Variants in INCENP observed in about 807,000 individuals in gnomAD.
INCENP encodes the protein inner centromere protein, also known as binds and activates aurora-B and -C in vivo and in vitro.
Under a neutral mutation model 107.3 loss-of-function variants are expected in INCENP, and 43 were observed. The ratio of observed to expected loss-of-function variants is 0.40; its 90% confidence interval spans 0.31 to 0.52. INCENP has a LOEUF of 0.52. INCENP is among the 20% of genes least tolerant of loss of function. The pLI, the probability that INCENP is intolerant of heterozygous loss-of-function variation, is 0.53. For synonymous variants in INCENP, 488 were observed against 494.4 expected (o/e 0.99, Z 0.17); for missense variants, 1,089 against 1,250.9 (o/e 0.87, Z 1.95).
intron 4 of INCENP, among the ~76,000 whole-genome samples, chr11:62,133,719 A>T (rs2099715112): frequency 6.6e-6 from 1 of 152,188 alleles, no homozygotes; most frequent in South Asian, 2.1e-4. Flanking sequence ...ATGACACAGC[A>T]TGGGGAGATG....
At chr11:62,126,583 C>A (rs1312908450) in intron 1 of INCENP, among the ~76,000 whole-genome samples, 2 of 152,190 alleles carry the variant, frequency 1.3e-5, no homozygotes, top group Non-Finnish European at 2.9e-5. Flanking sequence ...CTTATGACCA[C>A]CACCCATTCA....
intron 4 of INCENP, among the ~76,000 whole-genome samples, chr11:62,133,384 G>GA (rs1338512816): frequency 3.3e-5 from 5 of 152,086 alleles, no homozygotes; most frequent in African/African-American, 1.2e-4. Flanking sequence ...CCGGGGCGTG[G>GA]AACTGCTGTG....
chr11:62,132,108 T>A (rs1943906259), intron 4 of INCENP, among the ~76,000 whole-genome samples: 1 of 152,312 alleles, frequency 6.6e-6, no homozygotes, highest in African/African-American at 2.4e-5. Flanking sequence ...TCTCAACGCA[T>A]GTTAAATAGT....
chr11:62,126,374 C>G (rs1463112913), intron 1 of INCENP, among the ~76,000 whole-genome samples: 2 of 151,936 alleles, frequency 1.3e-5, no homozygotes, highest in African/African-American at 4.8e-5. Context: ...TTTTTTGTAT[C>G]TTTAGTAGAG....
At chr11:62,130,934 G>A (rs1590607714) in intron 4 of INCENP, among the ~76,000 whole-genome samples, 1 of 152,198 alleles carries the variant, frequency 6.6e-6, no homozygotes. Context: ...CTTCGGGAAG[G>A]TCGGCCACTG....
Position 62,128,286 on chromosome 11 carries a change from A to G in INCENP, c.125A>G (p.Glu42Gly). The change falls in exon 2 of 19, where the codon GAG becomes GGG. Residue 42 changes from glutamate (E) to glycine (G), a missense_variant. By Grantham distance (98) the Glu-to-Gly change is moderately conservative. Coordinates refer to ENST00000394818, the MANE Select transcript of INCENP (RefSeq NM_001040694.2). ...VWLEEIQEEA[E>G]RMFTREFSKE... ...CTTGAGGAAATCCAAGAGGAGGCCG[A>G]GCGCATGTTCACCAGGTGAAGACGG... 1 of 1,614,078 alleles carries G rather than the reference A, an allele frequency of 6.2e-7. No individual in the cohort carries two copies. The highest frequency in any genetic ancestry group is 8.5e-7 in the Non-Finnish European group (1 of 1,180,000).
chr11:62,146,448 A>ACAG (rs1441720647), intron 14 of INCENP, among the ~76,000 whole-genome samples: 1 of 152,196 alleles, frequency 6.6e-6, no homozygotes, highest in Non-Finnish European at 1.5e-5. Context: ...TGCTAAATCT[A>ACAG]CAGCAGCAGC....
At chr11:62,145,879 AAGG>A in intron 14 of INCENP, 128 bp downstream of exon 14, 5 of 1,244,514 alleles carry the variant, frequency 4.0e-6, no homozygotes, top group Non-Finnish European at 3.3e-6. Flanking sequence ...TCATGCTAAG[AAGG>A]AGGTTTCCCA....
chr11:62,147,890 C>G (rs1944287509), intron 15 of INCENP, among the ~76,000 whole-genome samples: 3 of 152,160 alleles, frequency 2.0e-5, no homozygotes, highest in Admixed American at 1.3e-4. Context: ...ATAGTGTCGG[C>G]AGCTTTGGTG....
chr11:62,135,629 T>C (rs1454236984), intron 4 of INCENP, among the ~76,000 whole-genome samples: 1 of 152,082 alleles, frequency 6.6e-6, no homozygotes, highest in Non-Finnish European at 1.5e-5. Context: ...ATTTCGAAAA[T>C]ATTGTTTCAC....
At position 62,150,191 on chromosome 11, in the gene INCENP, C is replaced by T. The variant is rs1287295197; in HGVS notation, c.2526C>T (p.Ile842=). ...TDDEAHPRKP[I]PTWARGTPLS... is the part of the protein sequence containing the mutation. Reference sequence around the variant, plus strand: ...ATGAGGCCCATCCCCGGAAGCCCATCCCCACCTGGGCCCGAGGTAAGCAAA... The same window carrying T: ...ATGAGGCCCATCCCCGGAAGCCCATTCCCACCTGGGCCCGAGGTAAGCAAA... The change falls in exon 18 of 19, where the codon ATC becomes ATT. Residue 842 remains isoleucine, a synonymous_variant. Transcript: ENST00000394818. 6.2e-7 allele frequency: 1 copy of T among 1,614,054 alleles called. No individual in the cohort carries two copies. The highest frequency in any genetic ancestry group is 2.2e-5 in the East Asian group (1 of 44,866).
intron 16 of INCENP, 59 bp from the exon 17 acceptor site, chr11:62,148,675 AAGGGG>A: frequency 2.1e-6 from 3 of 1,418,084 alleles, no homozygotes; most frequent in Non-Finnish European, 2.9e-6. Context: ...GAGCGGAGGG[AAGGGG>A]AGGGGAGGGA....
chr11:62,128,335 C>T (rs1414738635), intron 2 of INCENP, 34 bp downstream of exon 2: 15 of 1,613,058 alleles, frequency 9.3e-6, no homozygotes, highest in Non-Finnish European at 1.3e-5. Context: ...CTGGGAACAC[C>T]AGGGCCTGTC....
At chr11:62,133,451 C>T (rs557147630) in intron 4 of INCENP, among the ~76,000 whole-genome samples, 6 of 152,274 alleles carry the variant, frequency 3.9e-5, no homozygotes, top group South Asian at 4.2e-4. Flanking sequence ...CGGGGCCCAT[C>T]GGGCAGCAGT....
chr11:62,137,791 GTC>G (rs1362628560), intron 4 of INCENP, 39 bp from the exon 5 acceptor site: 8 of 1,599,076 alleles, frequency 5.0e-6, no homozygotes, highest in Non-Finnish European at 6.9e-6. Flanking sequence ...GACCTGTGTG[GTC>G]TCTGATGAGA....
chr11:62,136,393 A>G (rs1943994417), intron 4 of INCENP, among the ~76,000 whole-genome samples: 1 of 152,158 alleles, frequency 6.6e-6, no homozygotes, highest in Non-Finnish European at 1.5e-5. Flanking sequence ...TAGTAAAATT[A>G]GGACTTTTGC....
chr11:62,142,312 G>A (rs1247270474), intron 11 of INCENP, among the ~76,000 whole-genome samples: 5 of 152,216 alleles, frequency 3.3e-5, no homozygotes, highest in African/African-American at 4.8e-5. Context: ...CTGGCCAGGT[G>A]GGCCCTGAGC....
chr11:62,130,403 G>A lies in INCENP; in HGVS notation c.876G>A (p.Thr292=), dbSNP rs1300680526. The change falls in exon 4 of 19, where the codon ACG becomes ACA. Residue 292 remains threonine, a synonymous_variant. Coordinates refer to ENST00000394818, the MANE Select transcript of INCENP (RefSeq NM_001040694.2). ...CCATCCTGCCGGATAACTTCTCCAC[G>A]CCCACGGGCTCTCGCACGGACTCTC... ...LAPILPDNFS[T]PTGSRTDSQS... is the part of the protein sequence containing the mutation. The A allele has an allele frequency of 7.4e-6, 12 of 1,613,316 alleles. No individual in the cohort carries two copies. The highest frequency in any genetic ancestry group is 8.5e-6 in the Non-Finnish European group (10 of 1,180,026).
rs747770792 is a variant in INCENP at position 62,140,237 on chromosome 11, C to A, written c.1295C>A (p.Ala432Asp). The A allele has an allele frequency of 6.2e-6, 10 of 1,613,474 alleles. No homozygotes were observed. The highest frequency in any genetic ancestry group is 7.6e-6 in the Non-Finnish European group (9 of 1,179,746). ...PETPSAGQQE[A>D]KTDQADGPRE... The stretch of plus-strand genomic sequence containing the variant: ...GCTGAAATTGCTGTCTTCACAGAGG[C>A]CAAGACGGACCAAGCAGATGGACCC... The change falls in exon 8 of 19, where the codon GCC (alanine) becomes GAC (aspartate). Residue 432 changes from alanine (A) to aspartate (D), a missense_variant. By Grantham distance (126) the Ala-to-Asp change is moderately radical (BLOSUM62 -2). Transcript: ENST00000394818.
Sources: allele counts gnomAD v4.1 joint callset (sites outside exome capture counted in the v4.1 genomes callset), GRCh38; gene constraint gnomAD v4.1.1; transcripts MANE v1.5; gene names NCBI Gene and HGNC (gene_info 2026-07-23, HGNC 2026-07-21).